The following ITGA11 variants were observed in gnomAD, a reference collection of about 807,000 sequenced individuals.
ITGA11 encodes the protein integrin alpha-11.
ITGA11 carries 97 observed loss-of-function variants against 141.9 expected under a neutral mutation model. The observed-to-expected ratio is 0.68, with a 90% CI of 0.58 to 0.81. ITGA11 has a LOEUF of 0.81. Ranked by LOEUF, ITGA11 falls within the 30% of genes least tolerant of loss-of-function variation. ITGA11 has a pLI of 0.00. For synonymous variants in ITGA11, 658 were observed against 624.6 expected (o/e 1.05, Z -0.80); for missense variants, 1,387 against 1,559.2 (o/e 0.89, Z 1.86).
intron 10 of ITGA11, among the ~76,000 whole-genome samples, chr15:68,340,497 A>G (rs928840481): frequency 6.6e-6 from 1 of 152,154 alleles, no homozygotes; most frequent in Admixed American, 6.5e-5. Context: ...AGCACCAAGC[A>G]AGAGGGGCAG....
rs369296930 is a variant in ITGA11, at chr15:68,416,444, C to A, written c.53-13415G>T. ...TGAGAGCCTCGGCAGTCCTTTGTATCTTTTTCTGAGAACTCAGGAGTTTGC... is the reference window on the plus strand; with the variant it reads ...TGAGAGCCTCGGCAGTCCTTTGTATATTTTTCTGAGAACTCAGGAGTTTGC... On this transcript the variant is annotated intron_variant, in intron 1 of 29. Transcript: ENST00000315757. Among the ~76,000 whole-genome samples, 24 of 152,298 alleles carry A rather than the reference C, an allele frequency of 1.6e-4. No homozygotes were observed. In the East Asian group the frequency reaches 3.9e-3, roughly 24 times the overall value.
intron 11 of ITGA11, among the ~76,000 whole-genome samples, chr15:68,338,150 G>A (rs750446693): frequency 1.3e-5 from 2 of 152,210 alleles, no homozygotes; most frequent in Non-Finnish European, 2.9e-5. Context: ...GCACAGGGCT[G>A]TACACTTGGG....
At chr15:68,410,731 G>GCTCCCCC in intron 1 of ITGA11, among the ~76,000 whole-genome samples, 1 of 152,162 alleles carries the variant, frequency 6.6e-6, no homozygotes, top group African/African-American at 2.4e-5. Flanking sequence ...CTAGATTTGG[G>GCTCCCCC]AGCATTGCTG....
At chr15:68,314,848 G>A (rs537693647) in intron 22 of ITGA11, among the ~76,000 whole-genome samples, 53 of 152,280 alleles carry the variant, frequency 3.5e-4, no homozygotes, top group African/African-American at 1.2e-3. Flanking sequence ...TGACCTGCAC[G>A]TGTGTGTGCT....
At chr15:68,398,598 A>T (rs1896382660) in intron 2 of ITGA11, among the ~76,000 whole-genome samples, 1 of 121,508 alleles carries the variant, frequency 8.2e-6, no homozygotes, top group Admixed American at 9.0e-5. Flanking sequence ...ATTAAATATA[A>T]TATAAATATA....
Position 68,322,637 on chromosome 15 carries a change from C to T in ITGA11, c.2323-1134G>A, listed in dbSNP as rs1466446318. On this transcript the variant is annotated intron_variant, in intron 18 of 29. Coordinates refer to ENST00000315757, the MANE Select transcript of ITGA11 (RefSeq NM_001004439.2). This position sits in a 1 kb window ranked among gnomAD's most constrained non-coding sequence, Gnocchi z 5.6. ...ATCCTAGCACTCTGGGAGGCTGAGA[C>T]AGGTGGATCAACTGAGGTCAGGAGT... 6.6e-6 allele frequency among the ~76,000 whole-genome samples: 1 copy of T among 151,930 alleles called. No individual in the cohort carries two copies. Among genetic ancestry groups the T allele is most frequent in the Admixed American group, 6.6e-5 (1 of 15,250 alleles).
chr15:68,319,088 G>A (rs56188504), intron 20 of ITGA11, among the ~76,000 whole-genome samples: 20,126 of 152,254 alleles, frequency 0.13, 1,415 homozygotes, highest in Non-Finnish European at 0.16. Flanking sequence ...CTGGAGGGCC[G>A]CCTGTGGCCT....
At chr15:68,401,550 T>C (rs1896511013) in intron 2 of ITGA11, among the ~76,000 whole-genome samples, 1 of 152,204 alleles carries the variant, frequency 6.6e-6, no homozygotes, top group Admixed American at 6.5e-5. Context: ...TATGGTTCAC[T>C]TAACAACAGG....
Position 68,303,231 on chromosome 15 carries a change from G to A in ITGA11, c.3496-101C>T. On this transcript the variant is annotated intron_variant, in intron 29 of 29. Coordinates refer to ENST00000315757, the MANE Select transcript of ITGA11 (RefSeq NM_001004439.2). This position sits in a 1 kb window ranked among gnomAD's most constrained non-coding sequence, Gnocchi z 5.3. ...CTTTCCTTGGGATTCCTCCCTCAGG[G>A]CTTCCTTGAGTACCCCCAGCTCATT... is the stretch of plus-strand genomic sequence containing the variant. 2.0e-6 allele frequency: 2 copies of A among 981,218 alleles called. No individual in the cohort carries two copies. The highest frequency in any genetic ancestry group is 3.1e-6 in the Non-Finnish European group (2 of 647,662). 60.8% of individuals were successfully genotyped at this position (981,218 alleles called of 1,614,324 possible). A position where few individuals can be genotyped will look rare whatever the true frequency, so the allele number is the denominator to read the frequency against.
intron 3 of ITGA11, among the ~76,000 whole-genome samples, chr15:68,367,159 G>A (rs1895448764): frequency 6.6e-6 from 1 of 152,074 alleles, no homozygotes; most frequent in Non-Finnish European, 1.5e-5. Flanking sequence ...TTGTGCCCCA[G>A]CTCAGAAATG....
chr15:68,375,589 G>T (rs893592603), intron 2 of ITGA11, among the ~76,000 whole-genome samples: 1 of 152,204 alleles, frequency 6.6e-6, no homozygotes, highest in Non-Finnish European at 1.5e-5. Flanking sequence ...TGGACTGACT[G>T]CAGGGGCTTG....
chr15:68,380,156 C>A (rs1895822603), intron 2 of ITGA11, among the ~76,000 whole-genome samples: 2 of 152,148 alleles, frequency 1.3e-5, no homozygotes, highest in Admixed American at 1.3e-4. Flanking sequence ...GGCTGAGGCA[C>A]AACTGGTACC....
At chr15:68,425,579 A>T (rs935873428) in intron 1 of ITGA11, among the ~76,000 whole-genome samples, 2 of 152,216 alleles carry the variant, frequency 1.3e-5, no homozygotes, top group African/African-American at 4.8e-5. Flanking sequence ...CAAGGGCTTC[A>T]GTTTCTCCAT....
At chr15:68,370,840 C>T (rs922459696) in intron 2 of ITGA11, among the ~76,000 whole-genome samples, 3 of 152,138 alleles carry the variant, frequency 2.0e-5, no homozygotes, top group African/African-American at 2.4e-5. Context: ...CACATGCCAG[C>T]GGAGTTAGAT....
At chr15:68,399,006 C>A (rs578163873) in intron 2 of ITGA11, among the ~76,000 whole-genome samples, 2 of 151,580 alleles carry the variant, frequency 1.3e-5, no homozygotes, top group African/African-American at 4.8e-5. Flanking sequence ...TAAAATTGAA[C>A]GTATAAATTC....
intron 2 of ITGA11, among the ~76,000 whole-genome samples, chr15:68,395,322 A>G (rs1896206129): frequency 6.6e-6 from 1 of 152,166 alleles, no homozygotes; most frequent in Admixed American, 6.5e-5. Flanking sequence ...TGGATGGAGA[A>G]TGACTTTGAC....
chr15:68,320,304 T>C lies in ITGA11; in HGVS notation c.2497A>G (p.Ser833Gly), dbSNP rs1893756620. ...TCCACCGCCACTCGCTGGCGTGTGC[T>C]CTCTATGATGAAGACTGTGGTGTCG... Reference protein sequence around the residue: ...SFDTTVFIIESTRQRVAVEAT... With the variant: ...SFDTTVFIIEGTRQRVAVEAT... The change falls in exon 20 of 30, where the codon AGC becomes GGC. Residue 833 changes from serine (S) to glycine (G), a missense_variant. Transcript: ENST00000315757. 2 of 1,613,954 alleles carry C rather than the reference T, an allele frequency of 1.2e-6. No homozygotes were observed. The highest frequency in any genetic ancestry group is 1.7e-6 in the Non-Finnish European group (2 of 1,179,840).
chr15:68,326,838 A>G lies in ITGA11; in HGVS notation c.2069-42T>C, dbSNP rs755403397. ...GGCAAGACCACAAAGGTGGAGCCAC[A>G]TGCCCATCCAAGACTGTCTGCCTCC... is the stretch of plus-strand genomic sequence containing the variant. On this transcript the variant is annotated intron_variant, in intron 16 of 29. Transcript: ENST00000315757. The surrounding 1 kb of genome is among the most constrained non-coding windows in gnomAD (Gnocchi z 6.8). The G allele has an allele frequency of 6.5e-7, 1 of 1,547,940 alleles. No individual in the cohort carries two copies. The highest frequency in any genetic ancestry group is 8.7e-7 in the Non-Finnish European group (1 of 1,144,912).
chr15:68,313,808 G>A lies in ITGA11; in HGVS notation c.2853C>T (p.Leu951=), dbSNP rs751159625. ...EDNVAPLRFH[L]KYEADVLFTR... The stretch of plus-strand genomic sequence containing the variant: ...TGAAGAGGACGTCAGCCTCGTATTT[G>A]AGGTGGAAGCGTAAGGGGGCCACGT... Residue 951 remains leucine, a synonymous_variant, in exon 23 of 30, where the codon CTC becomes CTT. Transcript: ENST00000315757. 13 of 1,614,002 alleles carry A rather than the reference G, an allele frequency of 8.1e-6. No homozygotes were observed. The South Asian group carries it at 1.4e-4, about 18-fold the overall frequency.
Sources: gnomAD v4.1 joint callset for allele counts (sites outside exome capture counted in the v4.1 genomes callset) on GRCh38, gnomAD v4.1.1 for gene constraint, Gnocchi (gnomAD v3.1) non-coding constraint, MANE v1.5 for transcripts, NCBI Gene and HGNC (gene_info 2026-07-23, HGNC 2026-07-21) for gene names.